The following KDM4C variants were observed in gnomAD, a reference collection of about 807,000 sequenced individuals.
KDM4C encodes the protein lysine-specific demethylase 4C.
KDM4C carries 81 observed loss-of-function variants against 129.3 expected under a neutral mutation model. The observed-to-expected ratio is 0.63, with a 90% CI of 0.52 to 0.75. The LOEUF (loss-of-function observed/expected upper bound fraction) is 0.75. KDM4C is among the 30% of genes least tolerant of loss of function. The pLI is 0.00. For synonymous variants in KDM4C, 573 were observed against 456.1 expected (o/e 1.26, Z -3.26); for missense variants, 1,457 against 1,304.0 (o/e 1.12, Z -1.81).
chr9:6,836,121 G>A (rs577943028), intron 4 of KDM4C, among the ~76,000 whole-genome samples: 1 of 152,242 alleles, frequency 6.6e-6, no homozygotes, highest in African/African-American at 2.4e-5. Context: ...GGGCTTACCT[G>A]TACACTGACT....
At chr9:6,964,243 C>G (rs147439979) in intron 8 of KDM4C, among the ~76,000 whole-genome samples, 2 of 146,754 alleles carry the variant, frequency 1.4e-5, no homozygotes, top group Non-Finnish European at 3.0e-5. Context: ...TCCCCCCTCC[C>G]CTGACCCCCC....
At position 6,758,577 on chromosome 9, in the gene KDM4C, C is replaced by T. The variant is rs372601450; in HGVS notation, c.-18+374C>T. On this transcript the variant is annotated intron_variant, in intron 1 of 21. Coordinates refer to ENST00000381309, the MANE Select transcript of KDM4C (RefSeq NM_015061.6). This position sits in a 1 kb window ranked among gnomAD's most constrained non-coding sequence, Gnocchi z 4.6. ...TCGGCTGTGGCGGACTCCAGGAAGG[C>T]CGGGCCTGGTGCACCCCTCGGGGCC... Among the ~76,000 whole-genome samples, 75 of 152,318 alleles carry T rather than the reference C, an allele frequency of 4.9e-4. 1 individual carries two copies. In the East Asian group the frequency reaches 0.011, roughly 22 times the overall value.
rs538501883 is a variant in KDM4C, at chr9:6,956,653, A to G, written c.922-24272A>G. Among the ~76,000 whole-genome samples, 5 of 152,334 alleles carry G rather than the reference A, an allele frequency of 3.3e-5. No homozygotes were observed. In the East Asian group the frequency reaches 7.7e-4, roughly 23 times the overall value. On this transcript the variant is annotated intron_variant, in intron 8 of 21. Coordinates refer to ENST00000381309, the MANE Select transcript of KDM4C (RefSeq NM_015061.6). The stretch of plus-strand genomic sequence containing the variant: ...ATGGCTGACTTGAGTGGTTGTGACA[A>G]AAGATCATATAATACACAGAGCCTA...
intron 17 of KDM4C, among the ~76,000 whole-genome samples, chr9:7,102,973 C>G (rs1159142550): frequency 6.6e-6 from 1 of 152,160 alleles, no homozygotes; most frequent in African/African-American, 2.4e-5. Flanking sequence ...ATGCAATTTA[C>G]TTTTCGAATT....
intron 15 of KDM4C, among the ~76,000 whole-genome samples, chr9:7,035,169 C>T (rs1827413673): frequency 6.7e-6 from 1 of 150,012 alleles, no homozygotes; most frequent in Non-Finnish European, 1.5e-5. Context: ...CATGCCACCA[C>T]ACCCAGCTGA....
At chr9:7,052,491 TTCCACGGTTTC>T (rs1830279363) in intron 17 of KDM4C, among the ~76,000 whole-genome samples, 1 of 152,242 alleles carries the variant, frequency 6.6e-6, no homozygotes, top group Non-Finnish European at 1.5e-5. Context: ...GCCTTTGCCT[TTCCACGGTTTC>T]TCCTTTAAAT....
At chr9:6,908,250 A>C (rs1818673568) in intron 8 of KDM4C, among the ~76,000 whole-genome samples, 1 of 152,228 alleles carries the variant, frequency 6.6e-6, no homozygotes, top group Non-Finnish European at 1.5e-5. Context: ...AATACCATCA[A>C]GTTGAAGTGC....
chr9:6,739,011 G>A (rs571551598), intron 1 of KDM4C, among the ~76,000 whole-genome samples: 1 of 151,880 alleles, frequency 6.6e-6, no homozygotes, highest in South Asian at 2.1e-4. Context: ...CAAAGTGCTG[G>A]GATTACGGGC....
intron 17 of KDM4C, among the ~76,000 whole-genome samples, chr9:7,085,462 C>A (rs575330490): frequency 5.9e-5 from 9 of 152,054 alleles, no homozygotes; most frequent in Non-Finnish European, 1.3e-4. Context: ...GAAAAACAGG[C>A]TTTTTTCAGG....
At chr9:7,170,329 T>G (rs1478641430) in intron 21 of KDM4C, 1 of 1,021,132 alleles carries the variant, frequency 9.8e-7, no homozygotes, top group African/African-American at 1.7e-5. Context: ...ATTGACTACC[T>G]TCTGTCTCAG....
intron 19 of KDM4C, among the ~76,000 whole-genome samples, chr9:7,154,812 A>T (rs1023038580): frequency 6.6e-6 from 1 of 152,176 alleles, no homozygotes; most frequent in Non-Finnish European, 1.5e-5. Flanking sequence ...AGCTCCAGAC[A>T]CCAGTGTCCT....
Position 7,082,222 on chromosome 9 carries a change from A to C in KDM4C, c.2425-21463A>C, listed in dbSNP as rs537477661. On this transcript the variant is annotated intron_variant, in intron 17 of 21. Transcript: ENST00000381309. ...ATGAATGAATCCTCCTGGAATGGGC[A>C]TTAGAAGGTTTCTTTCCACCTTAGC... is the stretch of plus-strand genomic sequence containing the variant. 6.8e-4 allele frequency among the ~76,000 whole-genome samples: 104 copies of C among 152,326 alleles called. No homozygotes were observed. The South Asian group carries it at 0.019, about 28-fold the overall frequency.
At chr9:7,091,183 A>G (rs1313331074) in intron 17 of KDM4C, among the ~76,000 whole-genome samples, 1 of 152,180 alleles carries the variant, frequency 6.6e-6, no homozygotes, top group Admixed American at 6.5e-5. Context: ...GATGGTTTTC[A>G]ATGGAAACTT....
chr9:6,905,745 A>G (rs1356943858), intron 8 of KDM4C, among the ~76,000 whole-genome samples: 1 of 152,196 alleles, frequency 6.6e-6, no homozygotes, highest in Non-Finnish European at 1.5e-5. Flanking sequence ...TACTATACAG[A>G]CATGTTTGCT....
chr9:6,758,001 C>T lies in KDM4C; in HGVS notation c.-220C>T. 2 of 985,414 alleles carry T rather than the reference C, an allele frequency of 2.0e-6. No homozygotes were observed. Among genetic ancestry groups the T allele is most frequent in the Non-Finnish European group, 2.4e-6 (2 of 829,918 alleles). 61.0% of individuals were successfully genotyped at this position (985,414 alleles called of 1,614,324 possible). On this transcript the variant is annotated 5_prime_UTR_variant, in exon 1 of 22. Coordinates refer to ENST00000381309, the MANE Select transcript of KDM4C (RefSeq NM_015061.6). The surrounding 1 kb of genome is among the most constrained non-coding windows in gnomAD (Gnocchi z 4.6). ...GCCGGCGGTGCGCGCGCCTTCGCCGCTGCCTCCCACCCACCCCCTCGACGG... is the reference window on the plus strand; with the variant it reads ...GCCGGCGGTGCGCGCGCCTTCGCCGTTGCCTCCCACCCACCCCCTCGACGG...
intron 19 of KDM4C, among the ~76,000 whole-genome samples, chr9:7,149,822 TAC>T (rs1445096589): frequency 2.6e-5 from 4 of 152,216 alleles, no homozygotes; most frequent in Non-Finnish European, 4.4e-5. Flanking sequence ...TTTTTCACCC[TAC>T]ATCTTCCATA....
At chr9:7,066,233 A>G (rs1266558849) in intron 17 of KDM4C, among the ~76,000 whole-genome samples, 1 of 152,200 alleles carries the variant, frequency 6.6e-6, no homozygotes, top group East Asian at 1.9e-4. Context: ...ATTCAATGAC[A>G]GGGGCATAAG....
At chr9:6,737,461 G>C (rs996201602) in intron 1 of KDM4C, among the ~76,000 whole-genome samples, 1 of 149,604 alleles carries the variant, frequency 6.7e-6, no homozygotes, top group African/African-American at 2.5e-5. Flanking sequence ...AGGAATTTAA[G>C]ACCAGCCTGT....
At chr9:6,882,204 G>T (rs1329486117) in intron 6 of KDM4C, among the ~76,000 whole-genome samples, 3 of 152,136 alleles carry the variant, frequency 2.0e-5, no homozygotes, top group Non-Finnish European at 4.4e-5. Flanking sequence ...CAAGTGAATT[G>T]TTACAATTTT....
Sources: allele counts gnomAD v4.1 joint callset (sites outside exome capture counted in the v4.1 genomes callset), GRCh38; gene constraint gnomAD v4.1.1; non-coding constraint Gnocchi (gnomAD v3.1); transcripts MANE v1.5; gene names NCBI Gene and HGNC (gene_info 2026-07-23, HGNC 2026-07-21).